Variants in SRPK2 observed in about 807,000 individuals in gnomAD.
SRPK2 encodes SRSF protein kinase 2, also known as SFRS protein kinase 2.
Under a neutral mutation model 90.8 loss-of-function variants are expected in SRPK2, and 21 were observed. The ratio of observed to expected loss-of-function variants is 0.23; its 90% CI spans 0.16 to 0.33. The LOEUF (loss-of-function observed/expected upper bound fraction) is 0.33, where lower values mean the gene tolerates loss of function less well. Ranked by LOEUF, SRPK2 falls within the 10% of genes least tolerant of loss-of-function variation. SRPK2 has a pLI of 1.00. For synonymous variants in SRPK2, 288 were observed against 311.1 expected (o/e 0.93, Z 0.78); for missense variants, 620 against 869.0 (o/e 0.71, Z 3.60).
At chr7:105,288,462 C>T (rs370444248) in intron 2 of SRPK2, among the ~76,000 whole-genome samples, 4 of 151,954 alleles carry the variant, frequency 2.6e-5, no homozygotes, top group South Asian at 2.1e-4. Context: ...GGCGTGGTGG[C>T]GGGCACCTGT....
Position 105,175,947 on chromosome 7 carries a change from G to A in SRPK2, c.230-6682C>T, listed in dbSNP as rs201903081. ...AAATACTACAAATTCCTCCTAAAAAGTAAAAAAAGAGGAAATACTTCCAGT... is the reference window on the plus strand; with the variant it reads ...AAATACTACAAATTCCTCCTAAAAAATAAAAAAAGAGGAAATACTTCCAGT... On this transcript the variant is annotated intron_variant, in intron 3 of 15. Coordinates refer to ENST00000393651, the MANE Select transcript of SRPK2 (RefSeq NM_182692.3). 2.0e-5 allele frequency among the ~76,000 whole-genome samples: 3 copies of A among 151,996 alleles called. No individual in the cohort carries two copies. The East Asian group carries it at 5.8e-4, about 29-fold the overall frequency.
chr7:105,231,566 C>T lies in SRPK2; in HGVS notation c.72-27781G>A, dbSNP rs552620717. Among the ~76,000 whole-genome samples the T allele has an allele frequency of 6.2e-4, 95 of 152,274 alleles. No homozygotes were observed. In the South Asian group the frequency reaches 8.9e-3, roughly 14 times the overall value. Reference sequence around the variant, plus strand: ...AAATGTTCCCTTTTCTCCGCAATCTCGCCAGCATCTGTTATTTTTTGGCTT... The same window carrying T: ...AAATGTTCCCTTTTCTCCGCAATCTTGCCAGCATCTGTTATTTTTTGGCTT... On this transcript the variant is annotated intron_variant, in intron 2 of 15. Transcript: ENST00000393651.
At chr7:105,148,285 G>T (rs990883458) in intron 7 of SRPK2, among the ~76,000 whole-genome samples, 1 of 152,164 alleles carries the variant, frequency 6.6e-6, no homozygotes, top group African/African-American at 2.4e-5. Context: ...GAGAAGGGGG[G>T]CTTGATTTAA....
intron 7 of SRPK2, among the ~76,000 whole-genome samples, chr7:105,159,456 A>T (rs1467640862): frequency 6.9e-6 from 1 of 144,736 alleles, no homozygotes. Flanking sequence ...TCCAAAAAAA[A>T]AAAAAAAAAA....
intron 2 of SRPK2, among the ~76,000 whole-genome samples, chr7:105,208,902 G>A (rs1025338766): frequency 1.3e-5 from 2 of 152,088 alleles, no homozygotes; most frequent in East Asian, 1.9e-4. Context: ...CAGGAGGATC[G>A]CTTGAGCCCA....
chr7:105,210,040 C>G (rs79011067), intron 2 of SRPK2, among the ~76,000 whole-genome samples: 1 of 152,132 alleles, frequency 6.6e-6, no homozygotes, highest in African/African-American at 2.4e-5. Context: ...ACTCAACAAC[C>G]GAGGAAACTA....
chr7:105,388,899 GGGA>G lies in SRPK2; in HGVS notation c.-96_-94del, dbSNP rs1821996439. 1 of 1,235,784 alleles carries G rather than the reference GGGA, an allele frequency of 8.1e-7. No homozygotes were observed. Among genetic ancestry groups the G allele is most frequent in the Non-Finnish European group, 1.0e-6 (1 of 992,458 alleles). The allele number at this position is 1,235,784 out of a possible 1,614,324, so 76.6% of individuals were successfully genotyped here. A position where few individuals can be genotyped will look rare whatever the true frequency, so the allele number is the denominator to read the frequency against. On this transcript the variant is annotated 5_prime_UTR_variant, in exon 1 of 16. Coordinates refer to ENST00000393651, the MANE Select transcript of SRPK2 (RefSeq NM_182692.3). Reference sequence around the variant, plus strand: ...GCAGCCTCCACTCGCTCCGCCGGCCGGGAGGAGACGAGAACCGCGCCTGCGCCG... The same window carrying G: ...GCAGCCTCCACTCGCTCCGCCGGCCGGGAGACGAGAACCGCGCCTGCGCCG...
intron 15 of SRPK2, among the ~76,000 whole-genome samples, chr7:105,123,872 A>T (rs1800752910): frequency 6.6e-6 from 1 of 152,240 alleles, no homozygotes; most frequent in Non-Finnish European, 1.5e-5. Context: ...ACAGGAAAAA[A>T]GAACTCGAGG....
At chr7:105,183,985 T>C (rs1169309145) in intron 3 of SRPK2, among the ~76,000 whole-genome samples, 1 of 147,374 alleles carries the variant, frequency 6.8e-6, no homozygotes, top group African/African-American at 2.5e-5. Context: ...TTTTTTTTTT[T>C]TTTTTTTTTT....
At chr7:105,280,213 G>A (rs966860741) in intron 2 of SRPK2, among the ~76,000 whole-genome samples, 1 of 152,032 alleles carries the variant, frequency 6.6e-6, no homozygotes, top group Non-Finnish European at 1.5e-5. Context: ...TCAGAAGTTC[G>A]AAACCAGCCT....
chr7:105,318,912 TAG>T (rs1321934345), intron 2 of SRPK2, among the ~76,000 whole-genome samples: 1 of 152,190 alleles, frequency 6.6e-6, no homozygotes, highest in Non-Finnish European at 1.5e-5. Flanking sequence ...TTCCAAAGAA[TAG>T]AGAGTCACAA....
At chr7:105,286,153 T>C (rs1469612703) in intron 2 of SRPK2, among the ~76,000 whole-genome samples, 1 of 152,208 alleles carries the variant, frequency 6.6e-6, no homozygotes, top group Non-Finnish European at 1.5e-5. Flanking sequence ...TACATAGGGT[T>C]TGGGTTCTAA....
At chr7:105,219,211 G>A (rs928827473) in intron 2 of SRPK2, among the ~76,000 whole-genome samples, 2 of 152,024 alleles carry the variant, frequency 1.3e-5, no homozygotes, top group Admixed American at 6.6e-5. Context: ...GGCAGAAGAC[G>A]GAACATTTTG....
At chr7:105,213,177 A>G (rs1397940843) in intron 2 of SRPK2, among the ~76,000 whole-genome samples, 1 of 152,204 alleles carries the variant, frequency 6.6e-6, no homozygotes, top group Non-Finnish European at 1.5e-5. Context: ...CTGGTCTGAA[A>G]TACTGTACCA....
At chr7:105,356,771 A>G (rs34003298) in intron 2 of SRPK2, among the ~76,000 whole-genome samples, 6 of 152,014 alleles carry the variant, frequency 3.9e-5, no homozygotes, top group African/African-American at 1.4e-4. Flanking sequence ...TATTTCCAAA[A>G]TTTTCAAAAC....
intron 2 of SRPK2, among the ~76,000 whole-genome samples, chr7:105,284,635 G>C (rs1807816793): frequency 6.6e-6 from 1 of 152,130 alleles, no homozygotes. Flanking sequence ...AATTCATTTT[G>C]TGTCTGTACT....
At chr7:105,381,117 G>A (rs1008942507) in intron 2 of SRPK2, among the ~76,000 whole-genome samples, 3 of 152,008 alleles carry the variant, frequency 2.0e-5, no homozygotes, top group East Asian at 1.9e-4. Flanking sequence ...GGTGGCGCAT[G>A]CCTGTAATCC....
intron 2 of SRPK2, among the ~76,000 whole-genome samples, chr7:105,282,223 G>A (rs1280440711): frequency 6.6e-6 from 1 of 152,148 alleles, no homozygotes; most frequent in African/African-American, 2.4e-5. Flanking sequence ...AATGGGAAAA[G>A]AATACTCTCT....
chr7:105,272,071 C>T (rs1268414788), intron 2 of SRPK2, among the ~76,000 whole-genome samples: 2 of 152,148 alleles, frequency 1.3e-5, no homozygotes, highest in Admixed American at 6.5e-5. Context: ...TCTGCTTTTA[C>T]AAGTCAGATT....
Sources: allele counts gnomAD v4.1 joint callset (sites outside exome capture counted in the v4.1 genomes callset), GRCh38; gene constraint gnomAD v4.1.1; transcripts MANE v1.5; gene names NCBI Gene and HGNC (gene_info 2026-07-23, HGNC 2026-07-21).